The following CCT5 variants were observed in gnomAD, a reference collection of about 807,000 sequenced individuals.
CCT5 encodes the protein T-complex protein 1 subunit epsilon.
CCT5 carries 6 observed loss-of-function variants against 55.0 expected under a neutral mutation model. That is an observed-to-expected ratio of 0.11 (90% CI 0.06 to 0.22). CCT5 has a LOEUF of 0.22. Ranked by LOEUF, CCT5 falls within the 10% of genes least tolerant of loss-of-function variation. CCT5 has a pLI of 1.00. For missense variants in CCT5, 560 were observed against 694.6 expected (o/e 0.81, Z 2.18); for synonymous variants, 231 against 243.7 (o/e 0.95, Z 0.49).
At chr5:10,258,914 A>T (rs1745814783) in intron 6 of CCT5, among the ~76,000 whole-genome samples, 1 of 152,062 alleles carries the variant, frequency 6.6e-6, no homozygotes, top group African/African-American at 2.4e-5. Context: ...AATCGCTTGA[A>T]CCCAGGAGGC....
intron 6 of CCT5, among the ~76,000 whole-genome samples, chr5:10,259,611 G>C (rs1745855480): frequency 6.6e-6 from 1 of 152,222 alleles, no homozygotes; most frequent in South Asian, 2.1e-4. Context: ...AGTGCCCCTG[G>C]GGGAGGAGCA....
rs925610436 is a variant in CCT5 at position 10,258,553 on chromosome 5, C to G, written c.873+18C>G. On this transcript the variant is annotated intron_variant, in intron 6 of 10. Coordinates refer to ENST00000280326, the MANE Select transcript of CCT5 (RefSeq NM_012073.5). ...TTCAACAAGTAAGTCTTACCAGAGT[C>G]CTCAGTGGAATTTAAACTCCCAAAG... The G allele has an allele frequency of 4.4e-6, 7 of 1,607,900 alleles. No individual in the cohort carries two copies. Among genetic ancestry groups the G allele is most frequent in the African/African-American group, 2.7e-5 (2 of 74,804 alleles).
chr5:10,250,322 T>C lies in CCT5; in HGVS notation c.-19T>C. On this transcript the variant is annotated 5_prime_UTR_variant, in exon 1 of 11. Coordinates refer to ENST00000280326, the MANE Select transcript of CCT5 (RefSeq NM_012073.5). ...GCGGTCTCCGCCGGTTGGGGGGAAGTAATTCCGGTTGTTGCACCATGGCGT... is the reference window on the plus strand; with the variant it reads ...GCGGTCTCCGCCGGTTGGGGGGAAGCAATTCCGGTTGTTGCACCATGGCGT... 1 of 1,613,904 alleles carries C rather than the reference T, an allele frequency of 6.2e-7. No individual in the cohort carries two copies. Among genetic ancestry groups the C allele is most frequent in the Non-Finnish European group, 8.5e-7 (1 of 1,180,022 alleles).
At chr5:10,263,394 GA>G in intron 10 of CCT5, 80 bp downstream of exon 10, 1 of 1,296,358 alleles carries the variant, frequency 7.7e-7, no homozygotes, top group Non-Finnish European at 1.1e-6. Flanking sequence ...TATGTGCTGT[GA>G]GATGATGGTG....
At chr5:10,257,986 A>C in intron 4 of CCT5, 125 bp from the exon 5 acceptor site, 1 of 994,756 alleles carries the variant, frequency 1.0e-6, no homozygotes, top group Non-Finnish European at 1.5e-6. Flanking sequence ...TTGAGATGGC[A>C]TTCCCCTCTA....
rs1745913391 is a variant in CCT5, at chr5:10,260,677, T to A, written c.874-115T>A. 3.7e-6 allele frequency: 4 copies of A among 1,079,640 alleles called. No individual in the cohort carries two copies. The East Asian group carries it at 9.6e-5, about 26-fold the overall frequency. The allele number at this position is 1,079,640 out of a possible 1,614,324, so 66.9% of individuals were successfully genotyped here. ...TTCCTTCCTTCTCTTTCCTTTGCTTTTGTGTTTGAGTGCACCTGCCTTACA... is the reference window on the plus strand; with the variant it reads ...TTCCTTCCTTCTCTTTCCTTTGCTTATGTGTTTGAGTGCACCTGCCTTACA... On this transcript the variant is annotated intron_variant, in intron 6 of 10. Transcript: ENST00000280326.
At chr5:10,261,154 G>A (rs565364972) in intron 7 of CCT5, 76 of 546,114 alleles carry the variant, frequency 1.4e-4, no homozygotes, top group East Asian at 2.1e-4. Context: ...TGGCCCTGTC[G>A]TTGACTTACT....
intron 4 of CCT5, among the ~76,000 whole-genome samples, chr5:10,257,354 ACAT>A (rs955643574): frequency 6.6e-6 from 1 of 152,228 alleles, no homozygotes; most frequent in African/African-American, 2.4e-5. Context: ...TGAAAGGAGG[ACAT>A]CATCATTACT....
chr5:10,261,256 A>T (rs923485598), intron 7 of CCT5: 2 of 496,048 alleles, frequency 4.0e-6, no homozygotes, highest in Non-Finnish European at 7.3e-6. Context: ...TGCAAGGAAC[A>T]TGCAGGCTGG....
rs183389827 is a variant in CCT5 at position 10,266,057 on chromosome 5, A to G, written c.*1274A>G. 4.6e-5 allele frequency: 7 copies of G among 152,348 alleles called. No homozygotes were observed. Among genetic ancestry groups the G allele is most frequent in the African/African-American group, 1.4e-4 (6 of 41,586 alleles). The allele number at this position is 152,348 out of a possible 1,614,324, so 9.4% of individuals were successfully genotyped here. A position where few individuals can be genotyped will look rare whatever the true frequency, so the allele number is the denominator to read the frequency against. ...TTTGCTAAATAACTCCTGTGGATTT[A>G]GGAATGTGTGCTAATAGCAATCTTC... On this transcript the variant is annotated 3_prime_UTR_variant, in exon 11 of 11. Transcript: ENST00000280326.
chr5:10,251,402 T>A (rs1385588130), intron 1 of CCT5, among the ~76,000 whole-genome samples: 2 of 152,052 alleles, frequency 1.3e-5, no homozygotes, highest in Admixed American at 6.6e-5. Flanking sequence ...GTAAGAAACA[T>A]CTGAGCACCA....
At chr5:10,249,999 A>C (rs1201749468), upstream of CCT5, 27 of 1,540,522 alleles carry the variant, frequency 1.8e-5, no homozygotes, top group East Asian at 6.6e-4. Context: ...TAGTGCTTTA[A>C]GTCAATGAAT....
upstream of CCT5, chr5:10,250,060 A>C (rs981538612): frequency 2.1e-5 from 33 of 1,540,382 alleles, no homozygotes; most frequent in Non-Finnish European, 2.8e-5. Flanking sequence ...CGTTTTAAAA[A>C]ATGACAAATT....
chr5:10,257,097 G>A (rs573205771), intron 4 of CCT5, among the ~76,000 whole-genome samples: 4 of 152,332 alleles, frequency 2.6e-5, no homozygotes, highest in African/African-American at 9.6e-5. Context: ...TTTCAATTGT[G>A]TGCTTGTGGT....
rs1284665970 is a variant in CCT5, at chr5:10,264,904, A to G, written c.*121A>G. The G allele has an allele frequency of 7.7e-7, 1 of 1,305,992 alleles. No individual in the cohort carries two copies. Among genetic ancestry groups the G allele is most frequent in the African/African-American group, 1.5e-5 (1 of 68,772 alleles). The allele number at this position is 1,305,992 out of a possible 1,614,324, so 80.9% of individuals were successfully genotyped here. A position where few individuals can be genotyped will look rare whatever the true frequency, so the allele number is the denominator to read the frequency against. Reference sequence around the variant, plus strand: ...TCCAGACACTGTAGATGCTATAATAAAAATAGCTGTTTGGTAACCATAGTT... The same window carrying G: ...TCCAGACACTGTAGATGCTATAATAGAAATAGCTGTTTGGTAACCATAGTT... On this transcript the variant is annotated 3_prime_UTR_variant, in exon 11 of 11. Transcript: ENST00000280326.
intron 2 of CCT5, 103 bp downstream of exon 2, chr5:10,254,308 T>TA: frequency 1.1e-6 from 1 of 877,828 alleles, no homozygotes; most frequent in Non-Finnish European, 1.9e-6. Flanking sequence ...GGAGGCATCT[T>TA]ACTTCCTTAA....
At chr5:10,254,096 CA>C (rs1439404965) in intron 1 of CCT5, 48 bp from the exon 2 acceptor site, 2 of 1,229,200 alleles carry the variant, frequency 1.6e-6, no homozygotes, top group African/African-American at 1.5e-5. Flanking sequence ...TGCTTTTAAC[CA>C]TTGAAATTAT....
chr5:10,261,479 GT>G, intron 7 of CCT5, 80 bp from the exon 8 acceptor site: 2 of 1,373,962 alleles, frequency 1.5e-6, no homozygotes, highest in Non-Finnish European at 2.1e-6. Context: ...CTTAGATCAA[GT>G]TTTGCTCATT....
At chr5:10,253,806 CTG>C (rs889590445) in intron 1 of CCT5, among the ~76,000 whole-genome samples, 2 of 152,168 alleles carry the variant, frequency 1.3e-5, no homozygotes, top group Non-Finnish European at 2.9e-5. Flanking sequence ...TCAGGGAGGA[CTG>C]TGTTGCACAG....
Sources: gnomAD v4.1 joint callset for allele counts (sites outside exome capture counted in the v4.1 genomes callset) on GRCh38, gnomAD v4.1.1 for gene constraint, MANE v1.5 for transcripts, NCBI Gene and HGNC (gene_info 2026-07-23, HGNC 2026-07-21) for gene names.